The following FOXM1 variants were observed in gnomAD, a reference collection of about 807,000 sequenced individuals.
FOXM1 encodes the protein forkhead box protein M1.
FOXM1 carries 25 observed loss-of-function variants against 63.6 expected under a neutral mutation model. That is an observed-to-expected ratio of 0.39 (90% CI 0.29 to 0.55). The LOEUF (loss-of-function observed/expected upper bound fraction) is 0.55, where lower values mean the gene tolerates loss of function less well. Among genes scored for constraint, FOXM1 ranks in the 20% least tolerant of loss-of-function variants. The pLI is 0.60. For missense variants in FOXM1, 879 were observed against 958.7 expected, an observed-to-expected ratio of 0.92 and a Z score of 1.10; for synonymous variants, 387 against 376.9, an observed-to-expected ratio of 1.03 and a Z score of -0.31.
At chr12:2,873,952 C>A in intron 2 of FOXM1, 25 bp downstream of exon 2, 1 of 1,593,502 alleles carries the variant, frequency 6.3e-7, no homozygotes, top group Non-Finnish European at 8.6e-7. Flanking sequence ...GGCTCCCTCA[C>A]CCCTTTCCCT....
In FOXM1 at chr12:2,864,696, G is replaced by T. The variant is rs1474558478; in HGVS notation, c.1077C>A (p.Leu359=). 1 of 1,614,208 alleles carries T rather than the reference G, an allele frequency of 6.2e-7. No individual in the cohort carries two copies. The highest frequency in any genetic ancestry group is 1.7e-5 in the Admixed American group (1 of 60,016). Residue 359 remains leucine (L), a synonymous_variant, in exon 7 of 9, where the codon CTC becomes CTA. Transcript: ENST00000359843. This position sits in a 1 kb window ranked among gnomAD's most constrained non-coding sequence, Gnocchi z 5.1. ...LRRNMTIKTE[L]PLGARRKMKP... ...TCCCATACTAACGTGCGCCCAGGGG[G>T]AGTTCGGTTTTGATGGTCATGTTCC...
At chr12:2,868,000 G>GA (rs1269976024) in intron 4 of FOXM1, among the ~76,000 whole-genome samples, 1 of 133,932 alleles carries the variant, frequency 7.5e-6, no homozygotes, top group Non-Finnish European at 1.7e-5. Context: ...AAAAAAAAAA[G>GA]AAAGAGTTCT....
chr12:2,870,113 C>T (rs754349026), intron 3 of FOXM1, among the ~76,000 whole-genome samples: 31 of 151,710 alleles, frequency 2.0e-4, no homozygotes, highest in Non-Finnish European at 4.0e-4. Flanking sequence ...GCCTCAGCCT[C>T]CCGAGTAGCT....
chr12:2,876,584 T>C (rs3829865), intron 1 of FOXM1: 21,463 of 152,150 alleles, frequency 0.14, 1,553 homozygotes, highest in South Asian at 0.26. Flanking sequence ...TGTATGCAGG[T>C]TGGTCTTTGA....
chr12:2,863,126 T>C (rs1398462018), intron 8 of FOXM1, among the ~76,000 whole-genome samples: 1 of 152,054 alleles, frequency 6.6e-6, no homozygotes, highest in Non-Finnish European at 1.5e-5. Context: ...CTGGAGGCAT[T>C]TGGATTGCCG....
In FOXM1 at chr12:2,875,754, T is replaced by TA. The variant is rs200488081; in HGVS notation, c.-48+1165_-48+1166insT. ...TTTTTTTTTAAGTCTTTTGTTGATT[T>TA]TTTTTAATTTTTTTTTTTTTTTTGA... is the stretch of plus-strand genomic sequence containing the variant. On this transcript the variant is annotated intron_variant, in intron 1 of 8. Transcript: ENST00000359843. 8.1e-3 allele frequency among the ~76,000 whole-genome samples: 1,225 copies of TA among 150,976 alleles called. 22 individuals carry two copies. The highest frequency in any genetic ancestry group is 0.028 in the African/African-American group (1,133 of 40,742).
intron 8 of FOXM1, among the ~76,000 whole-genome samples, chr12:2,860,887 G>A (rs1215968709): frequency 6.8e-6 from 1 of 147,056 alleles, no homozygotes; most frequent in East Asian, 2.0e-4. Context: ...AACTCTCACA[G>A]GCTGGGCGTG....
At chr12:2,859,784 G>A (rs1161204528) in intron 8 of FOXM1, 121 bp from the exon 9 acceptor site, 1 of 722,070 alleles carries the variant, frequency 1.4e-6, no homozygotes, top group East Asian at 2.7e-5. Context: ...TTAAATATGA[G>A]AATACGATGT....
At chr12:2,876,233 A>C (rs1224897157) in intron 1 of FOXM1, 1 of 152,222 alleles carries the variant, frequency 6.6e-6, no homozygotes, top group Non-Finnish European at 1.5e-5. Flanking sequence ...CATAGAGTTC[A>C]CAGGCCCTCC....
Position 2,874,480 on chromosome 12 carries a change from A to T in FOXM1, c.-2T>A. ...TGGCCGACGGGGGCTAGTTTTCATT[A>T]TGAATCTGCGTTTTCACTCTCCATT... is the stretch of plus-strand genomic sequence containing the variant. On this transcript the variant is annotated 5_prime_UTR_variant, in exon 2 of 9. Coordinates refer to ENST00000359843, the MANE Select transcript of FOXM1 (RefSeq NM_021953.4). The surrounding 1 kb of genome is among the most constrained non-coding windows in gnomAD (Gnocchi z 4.3). The T allele has an allele frequency of 6.2e-7, 1 of 1,602,156 alleles. No individual in the cohort carries two copies. Among genetic ancestry groups the T allele is most frequent in the South Asian group, 1.1e-5 (1 of 89,906 alleles).
chr12:2,866,196 C>A (rs1464289979), intron 5 of FOXM1, among the ~76,000 whole-genome samples, 197 bp downstream of exon 5: 1 of 152,150 alleles, frequency 6.6e-6, no homozygotes, highest in East Asian at 1.9e-4. Context: ...TTGCTCTGGT[C>A]TGGCACAAAA....
intron 4 of FOXM1, chr12:2,868,296 G>A (rs969956208): frequency 3.1e-6 from 1 of 321,866 alleles, no homozygotes; most frequent in African/African-American, 2.1e-5. Context: ...TAGGACGGCT[G>A]TTGAGTGTAG....
rs1479633788 is a variant in FOXM1 at position 2,866,404 on chromosome 12, G to A, written c.964C>T (p.Gln322Ter). 6.7e-7 allele frequency: 1 copy of A among 1,498,234 alleles called. No individual in the cohort carries two copies. Among genetic ancestry groups the A allele is most frequent in the Non-Finnish European group, 8.9e-7 (1 of 1,123,496 alleles). 92.8% of individuals were successfully genotyped at this position (1,498,234 alleles called of 1,614,324 possible). A position where few individuals can be genotyped will look rare whatever the true frequency, so the allele number is the denominator to read the frequency against. Residue 322 changes from glutamine (Q) to a stop codon, truncating the protein, a stop_gained, in exon 5 of 9, where the codon CAG (glutamine) becomes TAG (stop). Transcript: ENST00000359843. LOFTEE classifies it high-confidence loss of function. ...PSANRYLTLD[Q>*]VFKPLDPGSP... ...AGCAGGGCATTCACCTTAAACACCTGGTCCAATGTCAAGTAGCGGTTGGCA... is the reference window on the plus strand; with the variant it reads ...AGCAGGGCATTCACCTTAAACACCTAGTCCAATGTCAAGTAGCGGTTGGCA...
Position 2,874,416 on chromosome 12 carries a change from T to C in FOXM1, c.63A>G (p.Gln21=), listed in dbSNP as rs1303781675. 3.7e-6 allele frequency: 6 copies of C among 1,614,088 alleles called. No homozygotes were observed. Among genetic ancestry groups the C allele is most frequent in the East Asian group, 2.2e-5 (1 of 44,866 alleles). ...CCTCTGATGTTTCACTTGGGGCATT[T>C]TGAACAGGAAGGGGCAGCCTCCGTC... is the stretch of plus-strand genomic sequence containing the variant. ...LKRRRLPLPV[Q]NAPSETSEEE... Residue 21 remains glutamine (Q), a synonymous_variant, in exon 2 of 9, where the codon CAA becomes CAG. Transcript: ENST00000359843. The surrounding 1 kb of genome is among the most constrained non-coding windows in gnomAD (Gnocchi z 4.3).
At chr12:2,870,457 G>A (rs2098131153) in intron 3 of FOXM1, among the ~76,000 whole-genome samples, 1 of 152,108 alleles carries the variant, frequency 6.6e-6, no homozygotes, top group Non-Finnish European at 1.5e-5. Context: ...GAGGTCAAGA[G>A]ATTGAGACCA....
At position 2,858,557 on chromosome 12, in the gene FOXM1, TCA is replaced by T. The variant is rs2098097114; in HGVS notation, c.*79_*80del. 8.0e-7 allele frequency: 1 copy of T among 1,256,996 alleles called. No individual in the cohort carries two copies. Among genetic ancestry groups the T allele is most frequent in the African/African-American group, 1.5e-5 (1 of 67,266 alleles). The allele number at this position is 1,256,996 out of a possible 1,614,324, so 77.9% of individuals were successfully genotyped here. A position where few individuals can be genotyped will look rare whatever the true frequency, so the allele number is the denominator to read the frequency against. ...GCAGAACAGTCCCTGCCTGCTGTCC[TCA>T]CTCAGAGGCTTGGGGTGCACTGAGC... is the stretch of plus-strand genomic sequence containing the variant. On this transcript the variant is annotated 3_prime_UTR_variant, in exon 9 of 9. Coordinates refer to ENST00000359843, the MANE Select transcript of FOXM1 (RefSeq NM_021953.4).
Position 2,873,970 on chromosome 12 carries a change from C to T in FOXM1, c.502+7G>A. The stretch of plus-strand genomic sequence containing the variant: ...TCCCTCACCCCTTTCCCTGGAAGAC[C>T]ACATACCACAGGTCTCCCGTTTCTG... On this transcript the variant is annotated splice_region_variant and intron_variant, in intron 2 of 8. Coordinates refer to ENST00000359843, the MANE Select transcript of FOXM1 (RefSeq NM_021953.4). 1.2e-6 allele frequency: 2 copies of T among 1,605,220 alleles called. No individual in the cohort carries two copies. The highest frequency in any genetic ancestry group is 1.7e-6 in the Non-Finnish European group (2 of 1,174,110).
At chr12:2,859,793 G>A in intron 8 of FOXM1, 130 bp from the exon 9 acceptor site, 3 of 682,926 alleles carry the variant, frequency 4.4e-6, no homozygotes, top group Non-Finnish European at 7.2e-6. Context: ...AGAATACGAT[G>A]TATGTTGAAG....
chr12:2,869,602 C>CT (rs1364027229), intron 3 of FOXM1, among the ~76,000 whole-genome samples: 5 of 151,804 alleles, frequency 3.3e-5, no homozygotes, highest in African/African-American at 9.7e-5. Context: ...CGCCCAGCTA[C>CT]TTTTTTTGTA....
Sources: gnomAD v4.1 joint callset for allele counts (sites outside exome capture counted in the v4.1 genomes callset) on GRCh38, gnomAD v4.1.1 for gene constraint, Gnocchi (gnomAD v3.1) non-coding constraint, MANE v1.5 for transcripts, NCBI Gene and HGNC (gene_info 2026-07-23, HGNC 2026-07-21) for gene names.